Variants in ZNF287 observed in about 807,000 individuals in gnomAD.
ZNF287 encodes zinc finger protein 287.
ZNF287 carries 31 observed loss-of-function variants against 73.7 expected under a neutral mutation model. The observed-to-expected ratio is 0.42, with a 90% confidence interval of 0.32 to 0.57. The LOEUF (loss-of-function observed/expected upper bound fraction) is 0.57, where lower values mean the gene tolerates loss of function less well. Ranked by LOEUF, ZNF287 falls within the 20% of genes least tolerant of loss-of-function variation. The pLI, the probability that ZNF287 is intolerant of heterozygous loss-of-function variation, is 0.13. For synonymous variants in ZNF287, 301 were observed against 307.2 expected (o/e 0.98, Z 0.21); for missense variants, 641 against 909.3 (o/e 0.70, Z 3.79).
At chr17:16,567,255 G>A (rs1907801967) in intron 2 of ZNF287, 74 bp downstream of exon 2, 1 of 1,520,750 alleles carries the variant, frequency 6.6e-7, no homozygotes, top group Non-Finnish European at 8.8e-7. Context: ...TTCTTTAAAG[G>A]AGCTGCTCAG....
rs985214836 is a variant in ZNF287, at chr17:16,547,249, G to A, written c.*4607C>T. ...TTAAGAGATGTGATGGGAAAGGAGG[G>A]CTATTAGCTTATAAACACCGTAAGT... On this transcript the variant is annotated 3_prime_UTR_variant, in exon 6 of 6. Transcript: ENST00000395825. Among the ~76,000 whole-genome samples the A allele has an allele frequency of 2.0e-5, 3 of 152,116 alleles. No homozygotes were observed. The highest frequency in any genetic ancestry group is 7.2e-5 in the African/African-American group (3 of 41,422).
At position 16,567,915 on chromosome 17, in the gene ZNF287, G is replaced by A. The variant is rs1907852084; in HGVS notation, c.-184C>T. ...AAATTCTGAGCCCAGAACTTGCAGG[G>A]ATGGATAAGAGACCCTGAAACACAA... On this transcript the variant is annotated 5_prime_UTR_variant, in exon 2 of 6. Transcript: ENST00000395825. 3 of 1,423,872 alleles carry A rather than the reference G, an allele frequency of 2.1e-6. No individual in the cohort carries two copies. The highest frequency in any genetic ancestry group is 2.7e-6 in the Non-Finnish European group (3 of 1,094,612). The allele number at this position is 1,423,872 out of a possible 1,614,324, so 88.2% of individuals were successfully genotyped here. A position where few individuals can be genotyped will look rare whatever the true frequency, so the allele number is the denominator to read the frequency against.
intron 3 of ZNF287, 115 bp downstream of exon 3, chr17:16,566,410 G>T: frequency 9.2e-6 from 7 of 762,382 alleles, no homozygotes; most frequent in Non-Finnish European, 1.1e-5. Flanking sequence ...GAGAGAAACT[G>T]GGGCTTAAGT....
Position 16,552,791 on chromosome 17 carries a change from G to C in ZNF287, c.1351C>G (p.Pro451Ala). ...TTCCCACAGTCATCACACTTATAGG[G>C]TTTCTCTCCAGTATGAATTCTCTGA... ...IHQRIHTGEK[P>A]YKCDDCGKDF... The change falls in exon 6 of 6, where the codon CCC becomes GCC. Residue 451 changes from proline to alanine, a missense_variant. Transcript: ENST00000395825. This position sits in a 1 kb window ranked among gnomAD's most constrained non-coding sequence, Gnocchi z 6.5. 6.2e-7 allele frequency: 1 copy of C among 1,613,982 alleles called. No individual in the cohort carries two copies. Among genetic ancestry groups the C allele is most frequent in the Non-Finnish European group, 8.5e-7 (1 of 1,179,976 alleles).
At chr17:16,568,715 C>T (rs1907897355) in intron 1 of ZNF287, 1 of 152,376 alleles carries the variant, frequency 6.6e-6, no homozygotes, top group African/African-American at 2.4e-5. Flanking sequence ...CCTCCTGTCG[C>T]CTCCCCTTCC....
chr17:16,560,520 T>C (rs1907374169), intron 5 of ZNF287, among the ~76,000 whole-genome samples: 7 of 151,588 alleles, frequency 4.6e-5, no homozygotes, highest in African/African-American at 1.5e-4. Flanking sequence ...CAGCTAATTT[T>C]TGTATTTTCA....
chr17:16,558,417 C>G (rs1473579995), intron 5 of ZNF287: 1 of 152,028 alleles, frequency 6.6e-6, no homozygotes, highest in Non-Finnish European at 1.5e-5. Context: ...TCACTTCAGC[C>G]TCCCTGGTAG....
rs933482008 is a variant in ZNF287, at chr17:16,561,367, C to T, written c.715+1779G>A. 5.3e-5 allele frequency among the ~76,000 whole-genome samples: 8 copies of T among 152,088 alleles called. No individual in the cohort carries two copies. The East Asian group carries it at 7.7e-4, about 15-fold the overall frequency. Reference sequence around the variant, plus strand: ...CATTTTGCAACCAGCAATATAATAACGCAAAGATCATCAAATGGATGCTAA... The same window carrying T: ...CATTTTGCAACCAGCAATATAATAATGCAAAGATCATCAAATGGATGCTAA... On this transcript the variant is annotated intron_variant, in intron 5 of 5. Transcript: ENST00000395825.
chr17:16,548,682 C>A lies in ZNF287; in HGVS notation c.*3174G>T, dbSNP rs1217664064. Among the ~76,000 whole-genome samples the A allele has an allele frequency of 6.6e-6, 1 of 152,054 alleles. No homozygotes were observed. The highest frequency in any genetic ancestry group is 1.9e-4 in the East Asian group (1 of 5,178). ...GGGCGTGGTGGCGGGTGTCTGTAGT[C>A]CCAGCTACTCGGGAGGCTGAGGCAG... On this transcript the variant is annotated 3_prime_UTR_variant, in exon 6 of 6. Transcript: ENST00000395825.
Position 16,551,979 on chromosome 17 carries a change from T to G in ZNF287, c.2163A>C (p.Gln721His). 1 of 1,614,136 alleles carries G rather than the reference T, an allele frequency of 6.2e-7. No homozygotes were observed. The highest frequency in any genetic ancestry group is 8.5e-7 in the Non-Finnish European group (1 of 1,179,992). Residue 721 changes from glutamine (Q) to histidine (H), a missense_variant, in exon 6 of 6, where the codon CAA becomes CAC. Gln to His is a conservative substitution (Grantham distance 24). Coordinates refer to ENST00000395825, the MANE Select transcript of ZNF287 (RefSeq NM_020653.4). The stretch of plus-strand genomic sequence containing the variant: ...TCTCTCCTGTGTGAATTCTCTGGTG[T>G]TGAATAAGGCATGTTCTCTGGCTAA... ...KDFSQRTCLI[Q>H]HQRIHTGEKP...
rs1277915938 is a variant in ZNF287, at chr17:16,547,941, A to G, written c.*3915T>C. On this transcript the variant is annotated 3_prime_UTR_variant, in exon 6 of 6. Transcript: ENST00000395825. ...ATCATGTGTTATCACTGCAGATGAA[A>G]GCATCAAACTCTTTACTGGTAATTA... is the stretch of plus-strand genomic sequence containing the variant. 6.6e-6 allele frequency among the ~76,000 whole-genome samples: 1 copy of G among 152,264 alleles called. No individual in the cohort carries two copies. Among genetic ancestry groups the G allele is most frequent in the Admixed American group, 6.5e-5 (1 of 15,288 alleles).
At chr17:16,557,750 G>A (rs1043323837) in intron 5 of ZNF287, among the ~76,000 whole-genome samples, 18 of 152,112 alleles carry the variant, frequency 1.2e-4, no homozygotes, top group Admixed American at 5.9e-4. Flanking sequence ...CAAAGGCTGG[G>A]GCCCAGCCAA....
chr17:16,564,667 TCA>T (rs1907642354), intron 3 of ZNF287, among the ~76,000 whole-genome samples: 1 of 152,254 alleles, frequency 6.6e-6, no homozygotes, highest in African/African-American at 2.4e-5. Context: ...ATACCAATAA[TCA>T]CAGTGTTGAA....
Position 16,552,550 on chromosome 17 carries a change from G to C in ZNF287, c.1592C>G (p.Thr531Ser). Residue 531 changes from threonine (T) to serine (S), a missense_variant, in exon 6 of 6, where the codon ACT (threonine) becomes AGT (serine). Physicochemically the swap from Thr to Ser is moderately conservative, Grantham distance 58. Transcript: ENST00000395825. This position sits in a 1 kb window ranked among gnomAD's most constrained non-coding sequence, Gnocchi z 6.5. ...ATTGCATTTATATGGTTTCTTCCCA[G>C]TATGTATTTTTTGATGCTGAAGAAG... The part of the protein sequence containing the change: ...THLLQHQKIH[T>S]GKKPYKCNEC... The C allele has an allele frequency of 6.2e-7, 1 of 1,614,064 alleles. No homozygotes were observed.
At chr17:16,563,068 A>G in intron 5 of ZNF287, 78 bp downstream of exon 5, 1 of 1,193,816 alleles carries the variant, frequency 8.4e-7, no homozygotes, top group East Asian at 2.3e-5. Context: ...ACCTGGTCAT[A>G]TTTAAAATGC....
chr17:16,562,085 T>C (rs1423311557), intron 5 of ZNF287, among the ~76,000 whole-genome samples: 2 of 152,174 alleles, frequency 1.3e-5, no homozygotes, highest in African/African-American at 4.8e-5. Flanking sequence ...TGATAATTAG[T>C]GATTCCCAGT....
At chr17:16,566,185 C>CT (rs1279268623) in intron 3 of ZNF287, among the ~76,000 whole-genome samples, 11 of 152,044 alleles carry the variant, frequency 7.2e-5, no homozygotes, top group Admixed American at 7.2e-4. Context: ...ATAACTCAGG[C>CT]TAAGAGAGGT....
chr17:16,561,628 A>T, intron 5 of ZNF287, among the ~76,000 whole-genome samples: 1 of 152,224 alleles, frequency 6.6e-6, no homozygotes, highest in Non-Finnish European at 1.5e-5. Context: ...GTTTAAACTG[A>T]CTAATCTTTA....
Position 16,549,086 on chromosome 17 carries a change from G to A in ZNF287, c.*2770C>T, listed in dbSNP as rs1022837483. Among the ~76,000 whole-genome samples the A allele has an allele frequency of 7.9e-5, 12 of 152,092 alleles. No individual in the cohort carries two copies. The highest frequency in any genetic ancestry group is 2.9e-4 in the African/African-American group (12 of 41,406). On this transcript the variant is annotated 3_prime_UTR_variant, in exon 6 of 6. Coordinates refer to ENST00000395825, the MANE Select transcript of ZNF287 (RefSeq NM_020653.4). ...TTGGTTAAAAAAAATACGGCAGAAT[G>A]TTAGTTTTTAAATTTAGGTGGGTAT...
Sources: allele counts gnomAD v4.1 joint callset (sites outside exome capture counted in the v4.1 genomes callset), GRCh38; gene constraint gnomAD v4.1.1; non-coding constraint Gnocchi (gnomAD v3.1); transcripts MANE v1.5; gene names NCBI Gene and HGNC (gene_info 2026-07-23, HGNC 2026-07-21).